SEC14L5: variants seen among roughly 807,000 people sequenced by gnomAD.
SEC14L5 encodes SEC14-like protein 5.
Under a neutral mutation model 84.6 loss-of-function variants are expected in SEC14L5, and 96 were observed. That is an observed-to-expected ratio of 1.13 (90% CI 0.96 to 1.34). The LOEUF (loss-of-function observed/expected upper bound fraction) is 1.34. Ranked by LOEUF, SEC14L5 falls within the 40% of genes most tolerant of loss-of-function variation. The pLI is 0.00. For synonymous variants in SEC14L5, 546 were observed against 383.4 expected, an observed-to-expected ratio of 1.42 and a Z score of -4.95; for missense variants, 1,224 against 942.5, an observed-to-expected ratio of 1.30 and a Z score of -3.91.
At chr16:4,967,806 C>T (rs1239578069) in intron 2 of SEC14L5, among the ~76,000 whole-genome samples, 1 of 150,618 alleles carries the variant, frequency 6.6e-6, no homozygotes, top group African/African-American at 2.4e-5. Flanking sequence ...CTCCTGACCT[C>T]AAGTGACCCT....
intron 2 of SEC14L5, among the ~76,000 whole-genome samples, chr16:4,987,126 G>A (rs1013840883): frequency 2.6e-5 from 4 of 151,938 alleles, no homozygotes; most frequent in African/African-American, 4.8e-5. Context: ...CATTCACCAG[G>A]GATGTTAACT....
chr16:5,006,712 C>A (rs1288431284), intron 12 of SEC14L5, among the ~76,000 whole-genome samples: 1 of 152,192 alleles, frequency 6.6e-6, no homozygotes, highest in Non-Finnish European at 1.5e-5. Context: ...CTTGCCTGTT[C>A]TCTCCGTTTG....
rs116885521 is a variant in SEC14L5, at chr16:5,010,814, G to T, written c.1801-281G>T. 2,114 of 420,066 alleles carry T rather than the reference G, an allele frequency of 5.0e-3. 9 individuals carry two copies. The highest frequency in any genetic ancestry group is 7.0e-3 in the Middle Eastern group (11 of 1,562). The allele number at this position is 420,066 out of a possible 1,614,324, so 26.0% of individuals were successfully genotyped here. A position where few individuals can be genotyped will look rare whatever the true frequency, so the allele number is the denominator to read the frequency against. On this transcript the variant is annotated intron_variant, in intron 14 of 15. Coordinates refer to ENST00000251170, the MANE Select transcript of SEC14L5 (RefSeq NM_014692.2). ...AGAGCAAAAGCCCCACAAAATCCAG[G>T]TGTTTAAGCACCTCTGTTGTCCTGA...
chr16:4,984,418 A>G (rs1055244489), intron 2 of SEC14L5, among the ~76,000 whole-genome samples: 2 of 152,150 alleles, frequency 1.3e-5, no homozygotes, highest in African/African-American at 2.4e-5. Context: ...CTAGACCACC[A>G]CTGATTTATT....
At position 5,015,165 on chromosome 16, in the gene SEC14L5, T is replaced by G. The variant is rs1229244209; in HGVS notation, c.*195T>G. 3 of 587,726 alleles carry G rather than the reference T, an allele frequency of 5.1e-6. No individual in the cohort carries two copies. Among genetic ancestry groups the G allele is most frequent in the Admixed American group, 3.1e-5 (1 of 32,576 alleles). The allele number at this position is 587,726 out of a possible 1,614,324, so 36.4% of individuals were successfully genotyped here. ...TGGGTGGTGTCAGGGCTCTTGAAATTGCAAGGACAGAACCATCTCCTTCCG... is the reference window on the plus strand; with the variant it reads ...TGGGTGGTGTCAGGGCTCTTGAAATGGCAAGGACAGAACCATCTCCTTCCG... On this transcript the variant is annotated 3_prime_UTR_variant, in exon 16 of 16. Transcript: ENST00000251170.
intron 2 of SEC14L5, among the ~76,000 whole-genome samples, chr16:4,965,947 C>A (rs1391254492): frequency 2.6e-5 from 4 of 152,046 alleles, no homozygotes; most frequent in African/African-American, 9.7e-5. Flanking sequence ...GAAACTGAGG[C>A]AGGAGGATCA....
intron 2 of SEC14L5, among the ~76,000 whole-genome samples, chr16:4,970,366 G>A (rs755747110): frequency 6.6e-6 from 1 of 152,110 alleles, no homozygotes; most frequent in Non-Finnish European, 1.5e-5. Flanking sequence ...AGGCCAATGG[G>A]GCAGAACTTG....
chr16:4,976,494 G>A (rs1265409332), intron 2 of SEC14L5, among the ~76,000 whole-genome samples: 1 of 152,210 alleles, frequency 6.6e-6, no homozygotes, highest in Non-Finnish European at 1.5e-5. Context: ...AGGCCCACCT[G>A]AGTGCTAGTT....
chr16:4,982,356 G>C (rs963998789), intron 2 of SEC14L5, among the ~76,000 whole-genome samples: 3 of 152,154 alleles, frequency 2.0e-5, no homozygotes, highest in African/African-American at 7.2e-5. Flanking sequence ...AGCAGACCCC[G>C]CTGGAATAAG....
At chr16:4,974,780 C>T (rs1365426466) in intron 2 of SEC14L5, among the ~76,000 whole-genome samples, 2 of 151,536 alleles carry the variant, frequency 1.3e-5, no homozygotes, top group African/African-American at 2.4e-5. Context: ...TTTGCATCCT[C>T]ATATATATAT....
chr16:5,008,260 C>G (rs901587675), intron 13 of SEC14L5, among the ~76,000 whole-genome samples, 161 bp from the exon 14 acceptor site: 3 of 152,058 alleles, frequency 2.0e-5, no homozygotes, highest in Non-Finnish European at 4.4e-5. Context: ...GGCGAGGTCT[C>G]AGGAGAAAAC....
intron 2 of SEC14L5, among the ~76,000 whole-genome samples, chr16:4,978,615 A>G (rs1316695136): frequency 2.0e-5 from 3 of 149,966 alleles, no homozygotes; most frequent in African/African-American, 7.4e-5. Context: ...TTATGTATTT[A>G]TTTTTGAGAT....
intron 13 of SEC14L5, among the ~76,000 whole-genome samples, chr16:5,007,846 T>C (rs953240307): frequency 6.6e-6 from 1 of 151,488 alleles, no homozygotes; most frequent in African/African-American, 2.4e-5. Context: ...GGTCAGGTGA[T>C]CCGCCCGCCT....
Position 4,996,911 on chromosome 16 carries a change from C to G in SEC14L5, c.837C>G (p.Asp279Glu). The change falls in exon 8 of 16, where the codon GAC (aspartate) becomes GAG (glutamate). Residue 279 changes from aspartate to glutamate, a missense_variant. Physicochemically the swap from Asp to Glu is conservative, Grantham distance 45. Transcript: ENST00000251170. ...RFLRAHDFHL[D>E]KAREMLRQSL... ...TGCGGGCTCATGACTTCCACCTGGACAAGGCCCGGGAAATGCTGCGCCAGT... is the reference window on the plus strand; with the variant it reads ...TGCGGGCTCATGACTTCCACCTGGAGAAGGCCCGGGAAATGCTGCGCCAGT... 6.2e-7 allele frequency: 1 copy of G among 1,613,732 alleles called. No homozygotes were observed. Among genetic ancestry groups the G allele is most frequent in the African/African-American group, 1.3e-5 (1 of 75,008 alleles).
intron 8 of SEC14L5, among the ~76,000 whole-genome samples, chr16:4,997,939 C>G (rs548314549): frequency 2.6e-5 from 4 of 151,588 alleles, no homozygotes; most frequent in South Asian, 2.1e-4. Context: ...CACCCCAAAT[C>G]CAGTGTGATT....
chr16:4,995,038 G>A (rs1402040527), intron 6 of SEC14L5, among the ~76,000 whole-genome samples: 1 of 152,010 alleles, frequency 6.6e-6, no homozygotes, highest in Non-Finnish European at 1.5e-5. Flanking sequence ...TGGACAATTC[G>A]CCCTCTGCCA....
intron 4 of SEC14L5, among the ~76,000 whole-genome samples, chr16:4,989,115 T>C (rs1172727293): frequency 6.6e-6 from 1 of 152,158 alleles, no homozygotes; most frequent in African/African-American, 2.4e-5. Context: ...CTTGATGACT[T>C]TAGAGGCTGG....
intron 8 of SEC14L5, among the ~76,000 whole-genome samples, chr16:5,000,164 G>A (rs1337754154): frequency 1.3e-5 from 2 of 151,670 alleles, no homozygotes; most frequent in Non-Finnish European, 2.9e-5. Flanking sequence ...GGTGGTGGGC[G>A]CCTGTAATCC....
intron 15 of SEC14L5, among the ~76,000 whole-genome samples, chr16:5,012,849 C>T (rs1014214657): frequency 7.3e-5 from 11 of 151,408 alleles, no homozygotes; most frequent in African/African-American, 1.5e-4. Context: ...GAGCTGAGAT[C>T]GCGCCACTGC....
Sources: gnomAD v4.1 joint callset for allele counts (sites outside exome capture counted in the v4.1 genomes callset) on GRCh38, gnomAD v4.1.1 for gene constraint, MANE v1.5 for transcripts, NCBI Gene and HGNC (gene_info 2026-07-23, HGNC 2026-07-21) for gene names.